FER: variants seen among roughly 807,000 people sequenced by gnomAD.
FER encodes tyrosine-protein kinase Fer.
Under a neutral mutation model 111.0 loss-of-function variants are expected in FER, and 63 were observed. That is an observed-to-expected ratio of 0.57 (90% CI 0.46 to 0.70). The LOEUF (loss-of-function observed/expected upper bound fraction) is 0.70. Among genes scored for constraint, FER ranks in the 30% least tolerant of loss-of-function variants. FER has a pLI of 0.00. For synonymous variants in FER, 327 were observed against 313.9 expected, an observed-to-expected ratio of 1.04 and a Z score of -0.44; for missense variants, 914 against 954.0, an observed-to-expected ratio of 0.96 and a Z score of 0.55.
At chr5:108,782,508 G>T (rs982598302) in intron 2 of FER, among the ~76,000 whole-genome samples, 2 of 151,752 alleles carry the variant, frequency 1.3e-5, no homozygotes, top group African/African-American at 2.4e-5. Flanking sequence ...TTTGGATTGT[G>T]GTTTTGGTAT....
chr5:108,889,298 C>T (rs1358054303), intron 9 of FER, among the ~76,000 whole-genome samples: 2 of 151,624 alleles, frequency 1.3e-5, no homozygotes, highest in African/African-American at 2.4e-5. Context: ...GTCAAGAGTC[C>T]GAAGCAACCT....
chr5:108,771,885 A>C (rs186916164), intron 2 of FER, among the ~76,000 whole-genome samples: 1 of 152,328 alleles, frequency 6.6e-6, no homozygotes, highest in East Asian at 1.9e-4. Context: ...CATAACATTA[A>C]GAATGTATTT....
intron 8 of FER, among the ~76,000 whole-genome samples, chr5:108,879,904 T>G (rs561930207): frequency 6.6e-6 from 1 of 151,618 alleles, no homozygotes; most frequent in African/African-American, 2.4e-5. Context: ...GAGACGAGGT[T>G]TCACCATGTT....
chr5:108,934,873 C>A (rs979335550), intron 10 of FER, among the ~76,000 whole-genome samples: 2 of 151,814 alleles, frequency 1.3e-5, no homozygotes, highest in Non-Finnish European at 2.9e-5. Context: ...AGATAATGTT[C>A]TAAAAACTGG....
At chr5:108,801,709 G>A (rs1193175185) in intron 3 of FER, among the ~76,000 whole-genome samples, 1 of 152,108 alleles carries the variant, frequency 6.6e-6, no homozygotes, top group Non-Finnish European at 1.5e-5. Context: ...TCTTACTGTA[G>A]CTCTTAGCAA....
intron 17 of FER, among the ~76,000 whole-genome samples, chr5:109,167,141 G>A (rs1366164929): frequency 6.6e-6 from 1 of 152,114 alleles, no homozygotes; most frequent in Non-Finnish European, 1.5e-5. Context: ...ATCTATATCT[G>A]CAGTATATAA....
chr5:109,076,222 C>G (rs1034386151), intron 16 of FER, among the ~76,000 whole-genome samples: 1 of 152,116 alleles, frequency 6.6e-6, no homozygotes, highest in South Asian at 2.1e-4. Flanking sequence ...TCAAAGTTAT[C>G]TTCTATCATG....
At chr5:108,930,058 CAA>C (rs1336232175) in intron 10 of FER, among the ~76,000 whole-genome samples, 4 of 152,080 alleles carry the variant, frequency 2.6e-5, no homozygotes, top group Non-Finnish European at 5.9e-5. Flanking sequence ...TTTACACCCT[CAA>C]GATAATTTAT....
intron 10 of FER, among the ~76,000 whole-genome samples, chr5:108,929,857 C>A (rs1286284521): frequency 6.6e-6 from 1 of 152,116 alleles, no homozygotes; most frequent in African/African-American, 2.4e-5. Flanking sequence ...GAAAGTCAAA[C>A]CATGTACATT....
chr5:108,765,988 G>A (rs1375988650), intron 1 of FER, among the ~76,000 whole-genome samples: 1 of 151,474 alleles, frequency 6.6e-6, no homozygotes, highest in Non-Finnish European at 1.5e-5. Context: ...GGAGTGCAGT[G>A]GCACAATCAT....
intron 17 of FER, among the ~76,000 whole-genome samples, chr5:109,104,903 C>T (rs557714000): frequency 6.6e-6 from 1 of 152,028 alleles, no homozygotes; most frequent in Non-Finnish European, 1.5e-5. Flanking sequence ...CCACCACGCC[C>T]GGCTAATTTT....
At chr5:108,807,605 G>A (rs1260648015) in intron 3 of FER, among the ~76,000 whole-genome samples, 2 of 152,034 alleles carry the variant, frequency 1.3e-5, no homozygotes, top group Non-Finnish European at 2.9e-5. Flanking sequence ...ATGGATGATT[G>A]GATATCAATT....
At chr5:108,919,560 C>G (rs1313746022) in intron 10 of FER, among the ~76,000 whole-genome samples, 4 of 152,088 alleles carry the variant, frequency 2.6e-5, no homozygotes, top group Non-Finnish European at 5.9e-5. Context: ...AAGAACTAAT[C>G]CTTAATTACT....
chr5:108,980,143 AC>A (rs1304158603), intron 13 of FER, among the ~76,000 whole-genome samples: 10 of 152,172 alleles, frequency 6.6e-5, no homozygotes, highest in Non-Finnish European at 1.5e-4. Flanking sequence ...AACATAAAAA[AC>A]AAAATCAAAT....
chr5:108,905,950 A>T (rs1036996601), intron 10 of FER, among the ~76,000 whole-genome samples: 2 of 152,192 alleles, frequency 1.3e-5, no homozygotes, highest in Non-Finnish European at 2.9e-5. Flanking sequence ...AGTTACAGAG[A>T]TAATGACTAA....
chr5:108,845,061 TATATATAC>T (rs1761878211), intron 5 of FER, among the ~76,000 whole-genome samples: 6 of 59,978 alleles, frequency 1.0e-4, no homozygotes, highest in Admixed American at 1.6e-4. Flanking sequence ...TATATATATA[TATATATAC>T]ACACACACAC....
At chr5:108,996,537 T>C (rs1481220060) in intron 13 of FER, among the ~76,000 whole-genome samples, 2 of 152,228 alleles carry the variant, frequency 1.3e-5, no homozygotes, top group African/African-American at 4.8e-5. Context: ...TCATTTCTTG[T>C]TTTTGTCAGG....
At chr5:108,966,198 A>AT (rs937757311) in intron 13 of FER, among the ~76,000 whole-genome samples, 27 of 151,704 alleles carry the variant, frequency 1.8e-4, no homozygotes, top group Middle Eastern at 6.8e-3. Context: ...ACTTCTATAC[A>AT]TTTTTTTTGC....
chr5:109,082,521 TA>T (rs1777107894), intron 16 of FER, among the ~76,000 whole-genome samples: 1 of 151,996 alleles, frequency 6.6e-6, no homozygotes, highest in Non-Finnish European at 1.5e-5. Flanking sequence ...ACATTATTAT[TA>T]AGAGAGCTCA....
Sources: allele counts gnomAD v4.1 joint callset (sites outside exome capture counted in the v4.1 genomes callset), GRCh38; gene constraint gnomAD v4.1.1; transcripts MANE v1.5; gene names NCBI Gene and HGNC (gene_info 2026-07-23, HGNC 2026-07-21).